Variants in TBC1D32 observed in about 807,000 individuals in gnomAD.
TBC1D32 encodes the protein protein broad-minded.
A neutral mutation model predicts 170.3 loss-of-function variants in TBC1D32; 151 were observed. The ratio of observed to expected loss-of-function variants is 0.89; its 90% CI spans 0.78 to 1.01. TBC1D32 has a LOEUF of 1.01. Among genes scored for constraint, TBC1D32 ranks in the 50% least tolerant of loss-of-function variants. The probability of loss-of-function intolerance (pLI) is 0.00; values close to 1 mark genes in which losing one functional copy is unlikely to be tolerated. For missense variants in TBC1D32, 1,464 were observed against 1,457.1 expected (o/e 1.00, Z -0.08); for synonymous variants, 498 against 488.0 (o/e 1.02, Z -0.27).
At chr6:121,144,206 G>T (rs574637602) in intron 24 of TBC1D32, among the ~76,000 whole-genome samples, 1 of 152,134 alleles carries the variant, frequency 6.6e-6, no homozygotes, top group Non-Finnish European at 1.5e-5. Context: ...GCTTAAGATA[G>T]TACTACACTC....
intron 24 of TBC1D32, among the ~76,000 whole-genome samples, chr6:121,141,123 A>T (rs1191593250): frequency 1.6e-5 from 2 of 125,954 alleles, no homozygotes; most frequent in Admixed American, 1.5e-4. Context: ...TTAGGGTAGT[A>T]GACTATACAT....
chr6:121,170,606 T>A, intron 22 of TBC1D32: 2 of 1,021,996 alleles, frequency 2.0e-6, no homozygotes, highest in East Asian at 2.8e-5. Context: ...TGTCTCAAAG[T>A]AATACCTGTA....
intron 22 of TBC1D32, among the ~76,000 whole-genome samples, chr6:121,191,246 T>C (rs1274903583): frequency 6.6e-6 from 1 of 152,206 alleles, no homozygotes; most frequent in Non-Finnish European, 1.5e-5. Context: ...ACCAAACACA[T>C]TTCATTCCCC....
rs763501751 is a variant in TBC1D32, at chr6:121,299,429, C to T, written c.1140+17G>A. 6.0e-6 allele frequency: 9 copies of T among 1,488,364 alleles called. No individual in the cohort carries two copies. The Admixed American group carries it at 1.3e-4, about 22-fold the overall frequency. 92.2% of individuals were successfully genotyped at this position (1,488,364 alleles called of 1,614,324 possible). On this transcript the variant is annotated intron_variant, in intron 10 of 31. Coordinates refer to ENST00000398212, the MANE Select transcript of TBC1D32 (RefSeq NM_152730.6). ...GTGATATTATTTCTCAACATAAAAACAGAATTACAGACTTACCAGAGACTT... is the reference window on the plus strand; with the variant it reads ...GTGATATTATTTCTCAACATAAAAATAGAATTACAGACTTACCAGAGACTT...
chr6:121,323,434 A>G (rs963729485), intron 1 of TBC1D32, among the ~76,000 whole-genome samples: 3 of 152,218 alleles, frequency 2.0e-5, no homozygotes, highest in Non-Finnish European at 4.4e-5. Context: ...CCAATACCTC[A>G]TACCATGTCA....
Position 121,307,862 on chromosome 6 carries a change from C to CA in TBC1D32, c.690+113dup, listed in dbSNP as rs199895253. ...GGGCAAAAAGAGTGAAACTCGGTCT[C>CA]AAAAAAAACAAAAAAGAAAAGAAAA... is the stretch of plus-strand genomic sequence containing the variant. On this transcript the variant is annotated intron_variant, in intron 5 of 31. Transcript: ENST00000398212. The CA allele has an allele frequency of 2.0e-3, 2,429 of 1,224,032 alleles. 31 individuals are homozygous for CA. In the African/African-American group the frequency reaches 0.03, roughly 15 times the overall value. The allele number at this position is 1,224,032 out of a possible 1,614,324, so 75.8% of individuals were successfully genotyped here.
chr6:121,268,569 T>G (rs1040547414), intron 15 of TBC1D32, among the ~76,000 whole-genome samples: 12 of 152,018 alleles, frequency 7.9e-5, no homozygotes, highest in Non-Finnish European at 1.8e-4. Context: ...AGAAAAGGAC[T>G]AAAAAGAAAT....
chr6:121,230,770 T>C (rs963707969), intron 20 of TBC1D32, among the ~76,000 whole-genome samples: 2 of 151,800 alleles, frequency 1.3e-5, no homozygotes, highest in East Asian at 3.9e-4. Flanking sequence ...GGGGAACAGA[T>C]TGTATGGTGT....
intron 10 of TBC1D32, among the ~76,000 whole-genome samples, chr6:121,295,202 C>T (rs976956182): frequency 2.6e-5 from 4 of 151,018 alleles, no homozygotes; most frequent in African/African-American, 9.7e-5. Context: ...TCTAACTCCT[C>T]CTCTCATTCT....
chr6:121,321,822 C>T (rs371146707), intron 1 of TBC1D32, 28 bp from the exon 2 acceptor site: 86 of 1,576,670 alleles, frequency 5.5e-5, no homozygotes, highest in Non-Finnish European at 6.8e-5. Flanking sequence ...AAAATAAATG[C>T]GGTAAATATC....
At chr6:121,153,260 C>CCAAA (rs1338436237) in intron 24 of TBC1D32, among the ~76,000 whole-genome samples, 9 of 152,164 alleles carry the variant, frequency 5.9e-5, no homozygotes, top group African/African-American at 1.7e-4. Context: ...CTCTTCTGCA[C>CCAAA]ATCTGCTGGA....
intron 31 of TBC1D32, among the ~76,000 whole-genome samples, chr6:121,085,296 C>A (rs1342355434): frequency 7.1e-6 from 1 of 140,760 alleles, no homozygotes; most frequent in South Asian, 2.2e-4. Flanking sequence ...TACATATATA[C>A]ATACATATAT....
At chr6:121,304,892 A>C in intron 5 of TBC1D32, 59 bp from the exon 6 acceptor site, 1 of 1,152,484 alleles carries the variant, frequency 8.7e-7, no homozygotes, top group Non-Finnish European at 1.3e-6. Context: ...AATAGAGATG[A>C]AACATTTTTC....
intron 25 of TBC1D32, chr6:121,130,008 G>C: frequency 2.5e-6 from 1 of 398,188 alleles, no homozygotes; most frequent in Non-Finnish European, 4.8e-6. Flanking sequence ...AGGTAAATTA[G>C]AAATCACAAA....
At chr6:121,105,654 C>T (rs76869342) in intron 30 of TBC1D32, among the ~76,000 whole-genome samples, 1 of 151,818 alleles carries the variant, frequency 6.6e-6, no homozygotes, top group African/African-American at 2.4e-5. Context: ...CAGGTTAATC[C>T]GCGGGGATTT....
intron 15 of TBC1D32, among the ~76,000 whole-genome samples, chr6:121,273,769 C>T (rs1243152240): frequency 6.6e-6 from 1 of 152,078 alleles, no homozygotes; most frequent in African/African-American, 2.4e-5. Context: ...AGACTGTAAC[C>T]TACTCTTGTG....
At chr6:121,173,615 G>C (rs1787365346) in intron 22 of TBC1D32, among the ~76,000 whole-genome samples, 1 of 148,098 alleles carries the variant, frequency 6.8e-6, no homozygotes, top group Non-Finnish European at 1.5e-5. Context: ...AGTGGAACCA[G>C]AAGTCACAAA....
At chr6:121,329,582 G>A (rs991901740) in intron 1 of TBC1D32, among the ~76,000 whole-genome samples, 4 of 152,066 alleles carry the variant, frequency 2.6e-5, no homozygotes, top group Middle Eastern at 3.2e-3. Flanking sequence ...AACCTGGGAG[G>A]CAGAGGTTGC....
chr6:121,144,196 G>T (rs1022798934), intron 24 of TBC1D32, among the ~76,000 whole-genome samples: 3 of 152,092 alleles, frequency 2.0e-5, no homozygotes, highest in African/African-American at 7.2e-5. Context: ...ATCAAATAAG[G>T]CTTAAGATAG....
Sources: allele counts gnomAD v4.1 joint callset (sites outside exome capture counted in the v4.1 genomes callset), GRCh38; gene constraint gnomAD v4.1.1; transcripts MANE v1.5; gene names NCBI Gene and HGNC (gene_info 2026-07-23, HGNC 2026-07-21).